DLG4: variants seen among roughly 807,000 people sequenced by gnomAD.
DLG4 encodes the protein disks large homolog 4.
A neutral mutation model predicts 93.8 loss-of-function variants in DLG4; 7 were observed. The ratio of observed to expected loss-of-function variants is 0.07; its 90% CI spans 0.04 to 0.14. The LOEUF is 0.14. Ranked by LOEUF, DLG4 falls within the 10% of genes least tolerant of loss-of-function variation. DLG4 has a pLI of 1.00. For synonymous variants in DLG4, 341 were observed against 387.6 expected, an observed-to-expected ratio of 0.88 and a Z score of 1.41; for missense variants, 545 against 992.9, an observed-to-expected ratio of 0.55 and a Z score of 6.06.
intron 2 of DLG4, among the ~76,000 whole-genome samples, chr17:7,205,509 T>C (rs2070416238): frequency 6.6e-6 from 1 of 152,022 alleles, no homozygotes; most frequent in Non-Finnish European, 1.5e-5. Context: ...GCTCTCCCCG[T>C]CCAAAGGGGT....
chr17:7,201,156 G>A (rs548718146), intron 8 of DLG4, among the ~76,000 whole-genome samples: 21 of 152,214 alleles, frequency 1.4e-4, no homozygotes, highest in African/African-American at 3.9e-4. Context: ...GAGCCACCTC[G>A]CCCAGCCAAC....
At chr17:7,215,553 C>T (rs1218583513) in intron 1 of DLG4, among the ~76,000 whole-genome samples, 1 of 152,114 alleles carries the variant, frequency 6.6e-6, no homozygotes, top group Non-Finnish European at 1.5e-5. Context: ...GAAACCAGGC[C>T]AGAGAAACTG....
At chr17:7,204,298 G>A (rs372333571) in intron 2 of DLG4, 46 bp from the exon 3 acceptor site, 166 of 1,528,448 alleles carry the variant, frequency 1.1e-4, no homozygotes, top group Non-Finnish European at 1.4e-4. Flanking sequence ...GCCTTGACTC[G>A]AGAGGGAGCC....
chr17:7,206,846 G>A (rs995873396), intron 2 of DLG4, among the ~76,000 whole-genome samples: 1 of 152,032 alleles, frequency 6.6e-6, no homozygotes, highest in African/African-American at 2.4e-5. Context: ...TGAAATGTCA[G>A]CAACCTCCCC....
intron 1 of DLG4, chr17:7,211,715 G>GAGCGGGCCGGAGCCCATACCGCGGCACGT: frequency 1.1e-6 from 1 of 893,240 alleles, no homozygotes; most frequent in Non-Finnish European, 1.3e-6. Flanking sequence ...AGGGGAGGGG[G>GAGCGGGCCGGAGCCCATACCGCGGCACGT]ACTGAGGGAA....
At chr17:7,201,775 G>C (rs1016644748) in intron 8 of DLG4, among the ~76,000 whole-genome samples, 3 of 152,162 alleles carry the variant, frequency 2.0e-5, no homozygotes, top group Non-Finnish European at 4.4e-5. Flanking sequence ...CAGCTACTCG[G>C]GAGGCCGGGG....
In DLG4 at chr17:7,190,963, C is replaced by CTTTTTTTTTTTTTT. The variant is rs35868661; in HGVS notation, c.2069-163_2069-150dup. On this transcript the variant is annotated intron_variant, in intron 19 of 19. Coordinates refer to ENST00000399506, the MANE Select transcript of DLG4 (RefSeq NM_001321075.3). ...GCTGCACCCGCCCACAGGGGCACCTCTTTTTTTTTTTTTTTTTTTTTTTTG... is the reference window on the plus strand; with the variant it reads ...GCTGCACCCGCCCACAGGGGCACCTCTTTTTTTTTTTTTTTTTTTTTTTTTTTTTTTTTTTTTTG... 259 of 348,518 alleles carry CTTTTTTTTTTTTTT rather than the reference C, an allele frequency of 7.4e-4. 11 individuals carry two copies. The African/African-American group carries it at 8.7e-3, about 12-fold the overall frequency. 21.6% of individuals were successfully genotyped at this position (348,518 alleles called of 1,614,324 possible). A position where few individuals can be genotyped will look rare whatever the true frequency, so the allele number is the denominator to read the frequency against.
chr17:7,219,229 G>A (rs574665928), upstream of DLG4: 2 of 336,152 alleles, frequency 5.9e-6, no homozygotes, highest in Non-Finnish European at 9.8e-6. Context: ...GAGAAGTTGG[G>A]GTTTTACGGG....
chr17:7,193,674 C>T lies in DLG4; in HGVS notation c.1584G>A (p.Gln528=). ...DSVLSYETVT[Q]MEVHYARPII... Reference sequence around the variant, plus strand: ...GCAGGGGCCAGGGCTCACCTTCCATCTGCGTCACTGTCTCGTAGCTCAGAA... The same window carrying T: ...GCAGGGGCCAGGGCTCACCTTCCATTTGCGTCACTGTCTCGTAGCTCAGAA... Residue 528 remains glutamine, a synonymous_variant, in exon 15 of 20, where the codon CAG becomes CAA. Coordinates refer to ENST00000399506, the MANE Select transcript of DLG4 (RefSeq NM_001321075.3). The surrounding 1 kb of genome is among the most constrained non-coding windows in gnomAD (Gnocchi z 6.7). 1 of 1,551,246 alleles carries T rather than the reference C, an allele frequency of 6.4e-7. No individual in the cohort carries two copies. The highest frequency in any genetic ancestry group is 8.7e-7 in the Non-Finnish European group (1 of 1,149,080).
upstream of DLG4, chr17:7,217,887 A>T: frequency 6.9e-7 from 1 of 1,442,688 alleles, no homozygotes; most frequent in Non-Finnish European, 9.4e-7. Flanking sequence ...TTATTTGAAT[A>T]CGGGAGGGAG....
chr17:7,189,387 G>C lies in DLG4; in HGVS notation c.*1321C>G, dbSNP rs1281000247. 6.6e-6 allele frequency among the ~76,000 whole-genome samples: 1 copy of C among 151,608 alleles called. No homozygotes were observed. The highest frequency in any genetic ancestry group is 1.5e-5 in the Non-Finnish European group (1 of 67,964). ...ATCTGTAATCCCAGCTACTCAGGGG[G>C]CTGAGGCAGGAGAATCACTTGAACC... On this transcript the variant is annotated 3_prime_UTR_variant, in exon 20 of 20. Transcript: ENST00000399506.
At chr17:7,215,869 C>T (rs939679820) in intron 1 of DLG4, among the ~76,000 whole-genome samples, 8 of 143,608 alleles carry the variant, frequency 5.6e-5, no homozygotes, top group Non-Finnish European at 1.2e-4. Context: ...ACCCCGCCTC[C>T]CCCGGCCCCC....
At chr17:7,207,676 A>C (rs1358099759) in intron 2 of DLG4, among the ~76,000 whole-genome samples, 1 of 151,402 alleles carries the variant, frequency 6.6e-6, no homozygotes, top group Non-Finnish European at 1.5e-5. Flanking sequence ...GGGGATGCAC[A>C]CACCTCAACA....
In DLG4 at chr17:7,194,432, G is replaced by A; in HGVS notation, c.1365C>T (p.Arg455=). Residue 455 remains arginine (R), a synonymous_variant, in exon 12 of 20, where the codon CGC becomes CGT. Transcript: ENST00000399506. This position sits in a 1 kb window ranked among gnomAD's most constrained non-coding sequence, Gnocchi z 4.4. ...CGATGACATGCAGCACATCCCCAAA[G>A]CGGAAGCTCAGGGCCTGGCTCAGGA... ...CGFLSQALSF[R]FGDVLHVIDA... The A allele has an allele frequency of 6.2e-7, 1 of 1,612,304 alleles. No individual in the cohort carries two copies. The highest frequency in any genetic ancestry group is 8.5e-7 in the Non-Finnish European group (1 of 1,179,254).
At position 7,217,581 on chromosome 17, in the gene DLG4, G is replaced by A; in HGVS notation, c.-434C>T. ...TGGGGTGGGGGGGTTGGAAACGGCA[G>A]CGGCCGAGGGAGCCGTGGAGCCGAA... On this transcript the variant is annotated 5_prime_UTR_variant, in exon 1 of 20. Transcript: ENST00000399506. 1.5e-6 allele frequency: 2 copies of A among 1,377,834 alleles called. No homozygotes were observed. The highest frequency in any genetic ancestry group is 2.7e-4 in the Middle Eastern group (1 of 3,676). 85.4% of individuals were successfully genotyped at this position (1,377,834 alleles called of 1,614,324 possible).
intron 2 of DLG4, among the ~76,000 whole-genome samples, chr17:7,207,642 G>C (rs1372397871): frequency 3.9e-5 from 6 of 151,962 alleles, no homozygotes; most frequent in Non-Finnish European, 8.8e-5. Flanking sequence ...GGAATGAAGA[G>C]GTCCCAGGCG....
At position 7,201,234 on chromosome 17, in the gene DLG4, A is replaced by G. The variant is rs113616370; in HGVS notation, c.787+1669T>C. ...CACTTAGATTTTGATCTAGATGCAC[A>G]GTAGTATAATTTACAAATAGAGATA... On this transcript the variant is annotated intron_variant, in intron 8 of 19. Transcript: ENST00000399506. Among the ~76,000 whole-genome samples, 435 of 152,354 alleles carry G rather than the reference A, an allele frequency of 2.9e-3. 5 individuals carry two copies. The highest frequency in any genetic ancestry group is 9.7e-3 in the African/African-American group (402 of 41,588).
Position 7,189,390 on chromosome 17 carries a change from G to A in DLG4, c.*1318C>T, listed in dbSNP as rs1445453209. On this transcript the variant is annotated 3_prime_UTR_variant, in exon 20 of 20. Coordinates refer to ENST00000399506, the MANE Select transcript of DLG4 (RefSeq NM_001321075.3). ...TGTAATCCCAGCTACTCAGGGGGCT[G>A]AGGCAGGAGAATCACTTGAACCAGG... is the stretch of plus-strand genomic sequence containing the variant. Among the ~76,000 whole-genome samples, 1 of 151,680 alleles carries A rather than the reference G, an allele frequency of 6.6e-6. No homozygotes were observed. The highest frequency in any genetic ancestry group is 1.5e-5 in the Non-Finnish European group (1 of 67,976).
chr17:7,209,000 G>A lies in DLG4; in HGVS notation c.31-761C>T, dbSNP rs564287924. Among the ~76,000 whole-genome samples the A allele has an allele frequency of 1.8e-4, 27 of 152,260 alleles. No individual in the cohort carries two copies. The highest frequency in any genetic ancestry group is 1.1e-3 in the Admixed American group (17 of 15,280). On this transcript the variant is annotated intron_variant, in intron 1 of 19. Coordinates refer to ENST00000399506, the MANE Select transcript of DLG4 (RefSeq NM_001321075.3). This position sits in a 1 kb window ranked among gnomAD's most constrained non-coding sequence, Gnocchi z 5.4. Reference sequence around the variant, plus strand: ...AGCCCACAGCCCAGCCAGCTAATCCGGTTATGCTATAAGGGCATGGGCTGG... The same window carrying A: ...AGCCCACAGCCCAGCCAGCTAATCCAGTTATGCTATAAGGGCATGGGCTGG...
Sources: gnomAD v4.1 joint callset for allele counts (sites outside exome capture counted in the v4.1 genomes callset) on GRCh38, gnomAD v4.1.1 for gene constraint, Gnocchi (gnomAD v3.1) non-coding constraint, MANE v1.5 for transcripts, NCBI Gene and HGNC (gene_info 2026-07-23, HGNC 2026-07-21) for gene names.